DIAPH3: variants seen among roughly 807,000 people sequenced by gnomAD.
DIAPH3 encodes protein diaphanous homolog 3.
DIAPH3 carries 117 observed loss-of-function variants against 144.3 expected under a neutral mutation model. That is an observed-to-expected ratio of 0.81 (90% CI 0.70 to 0.95). DIAPH3 has a LOEUF of 0.95. Ranked by LOEUF, DIAPH3 falls within the 40% of genes least tolerant of loss-of-function variation. The pLI, the probability that DIAPH3 is intolerant of heterozygous loss-of-function variation, is 0.00. For synonymous variants in DIAPH3, 519 were observed against 488.9 expected (o/e 1.06, Z -0.81); for missense variants, 1,421 against 1,412.7 (o/e 1.01, Z -0.09).
intron 4 of DIAPH3, among the ~76,000 whole-genome samples, chr13:60,049,796 A>G (rs1263545391): frequency 3.3e-5 from 5 of 152,218 alleles, no homozygotes; most frequent in African/African-American, 1.2e-4. Context: ...ACATGGTACC[A>G]TCTACTTAGA....
chr13:59,726,048 A>G (rs776259430), intron 27 of DIAPH3, among the ~76,000 whole-genome samples: 1 of 152,220 alleles, frequency 6.6e-6, no homozygotes, highest in African/African-American at 2.4e-5. Context: ...TAGCTGCCAT[A>G]TTTAACAGAA....
chr13:59,851,646 T>G (rs1286044839), intron 22 of DIAPH3, among the ~76,000 whole-genome samples: 2 of 150,296 alleles, frequency 1.3e-5, no homozygotes, highest in East Asian at 4.3e-4. Context: ...TTTTTTTTTT[T>G]TTTTTTTTTT....
Position 60,042,743 on chromosome 13 carries a change from T to C in DIAPH3, c.573A>G (p.Arg191=). 1 of 1,613,748 alleles carries C rather than the reference T, an allele frequency of 6.2e-7. No homozygotes were observed. The highest frequency in any genetic ancestry group is 1.1e-5 in the South Asian group (1 of 91,052). Residue 191 remains arginine, a synonymous_variant, in exon 5 of 28, where the codon AGA becomes AGG. Coordinates refer to ENST00000400324, the MANE Select transcript of DIAPH3 (RefSeq NM_001042517.2). ...GGAGAGACTCCAGGCATGTGACAAG[T>C]CTCTCATCTGCAGACCCCATTTTCA... ...HELKMGSADE[R]LVTCLESLRV... is the part of the protein sequence containing the mutation.
chr13:59,839,457 G>C lies in DIAPH3; in HGVS notation c.2738-9C>G, dbSNP rs369368011. The C allele has an allele frequency of 6.2e-7, 1 of 1,612,116 alleles. No individual in the cohort carries two copies. The highest frequency in any genetic ancestry group is 8.5e-7 in the Non-Finnish European group (1 of 1,179,086). On this transcript the variant is annotated splice_polypyrimidine_tract_variant and intron_variant, in intron 22 of 27. Transcript: ENST00000400324. ...CAGCGTTTCTACAGAGACTAAAAGA[G>C]AGTATATTAAATGCCCGGAAAGGAC...
intron 22 of DIAPH3, among the ~76,000 whole-genome samples, chr13:59,848,155 G>A (rs1327330079): frequency 6.6e-6 from 1 of 151,956 alleles, no homozygotes; most frequent in African/African-American, 2.4e-5. Flanking sequence ...CAGCATCAGA[G>A]TGGTTTTACT....
At chr13:59,733,798 C>G (rs2036004498) in intron 27 of DIAPH3, among the ~76,000 whole-genome samples, 1 of 152,224 alleles carries the variant, frequency 6.6e-6, no homozygotes, top group African/African-American at 2.4e-5. Context: ...ACAGTCATCA[C>G]TAAATGAGCA....
At chr13:60,057,881 T>C (rs964486579) in intron 4 of DIAPH3, among the ~76,000 whole-genome samples, 2 of 151,954 alleles carry the variant, frequency 1.3e-5, no homozygotes, top group Middle Eastern at 3.4e-3. Flanking sequence ...ACTCACAATA[T>C]ATAAAAATTA....
At chr13:59,814,637 A>C (rs904255877) in intron 24 of DIAPH3, among the ~76,000 whole-genome samples, 1 of 152,240 alleles carries the variant, frequency 6.6e-6, no homozygotes, top group Non-Finnish European at 1.5e-5. Context: ...ATTTGAATTA[A>C]GAAAGAAAAG....
At chr13:60,094,403 C>T (rs1336640388) in intron 3 of DIAPH3, among the ~76,000 whole-genome samples, 3 of 152,066 alleles carry the variant, frequency 2.0e-5, no homozygotes, top group Non-Finnish European at 4.4e-5. Flanking sequence ...TTAATTTTGA[C>T]TAAAAATTCA....
chr13:59,735,928 T>C (rs2139011752), intron 27 of DIAPH3, among the ~76,000 whole-genome samples: 1 of 152,230 alleles, frequency 6.6e-6, no homozygotes, highest in Admixed American at 6.5e-5. Flanking sequence ...TTTTTACTGA[T>C]CCTCTCTCCT....
chr13:59,960,186 T>G (rs1469101114), intron 17 of DIAPH3, among the ~76,000 whole-genome samples: 2 of 152,228 alleles, frequency 1.3e-5, no homozygotes, highest in Non-Finnish European at 2.9e-5. Flanking sequence ...GTCCTCCTCA[T>G]CTATTACCTG....
At chr13:60,084,838 G>A (rs921588437) in intron 4 of DIAPH3, among the ~76,000 whole-genome samples, 2 of 152,050 alleles carry the variant, frequency 1.3e-5, no homozygotes, top group African/African-American at 4.8e-5. Flanking sequence ...TGTCTTGAGG[G>A]TTGTGGGGGA....
chr13:59,811,544 C>G (rs1375492201), intron 24 of DIAPH3, among the ~76,000 whole-genome samples: 1 of 152,040 alleles, frequency 6.6e-6, no homozygotes, highest in Non-Finnish European at 1.5e-5. Flanking sequence ...CGAGACCATC[C>G]TGGCTAACGT....
chr13:59,974,994 A>G (rs2050589619), intron 14 of DIAPH3, among the ~76,000 whole-genome samples: 1 of 152,040 alleles, frequency 6.6e-6, no homozygotes, highest in Non-Finnish European at 1.5e-5. Context: ...GTAATGATAA[A>G]TTAATTTTTC....
At chr13:59,822,491 A>G (rs1361059497) in intron 24 of DIAPH3, among the ~76,000 whole-genome samples, 2 of 152,056 alleles carry the variant, frequency 1.3e-5, no homozygotes, top group Non-Finnish European at 2.9e-5. Flanking sequence ...ACCAGGCTAG[A>G]GTGCAGTGGT....
chr13:60,053,768 A>T (rs1272187409), intron 4 of DIAPH3, among the ~76,000 whole-genome samples: 3 of 152,028 alleles, frequency 2.0e-5, no homozygotes, highest in African/African-American at 7.2e-5. Flanking sequence ...TTACCAGTTG[A>T]TTTTTGAAAT....
chr13:59,933,291 T>C (rs2048108526), intron 17 of DIAPH3, among the ~76,000 whole-genome samples: 1 of 152,204 alleles, frequency 6.6e-6, no homozygotes, highest in Admixed American at 6.5e-5. Flanking sequence ...TGGCTGTGAT[T>C]GCTCACCTAT....
chr13:59,752,894 T>C (rs1259115938), intron 27 of DIAPH3, among the ~76,000 whole-genome samples: 2 of 152,232 alleles, frequency 1.3e-5, no homozygotes, highest in Non-Finnish European at 2.9e-5. Context: ...AATATATACA[T>C]GTAAAGTGTC....
At chr13:60,128,155 G>A (rs2059037415) in intron 2 of DIAPH3, among the ~76,000 whole-genome samples, 1 of 152,118 alleles carries the variant, frequency 6.6e-6, no homozygotes, top group South Asian at 2.1e-4. Flanking sequence ...GTGAGAACAT[G>A]CAGTATTTGG....
Sources: allele counts gnomAD v4.1 joint callset (sites outside exome capture counted in the v4.1 genomes callset), GRCh38; gene constraint gnomAD v4.1.1; transcripts MANE v1.5; gene names NCBI Gene and HGNC (gene_info 2026-07-23, HGNC 2026-07-21).